The following SYNE1 variants were observed in gnomAD, a reference collection of about 807,000 sequenced individuals.
SYNE1 encodes spectrin repeat containing nuclear envelope protein 1.
SYNE1 carries 616 observed loss-of-function variants against 1,111.0 expected under a neutral mutation model. That is an observed-to-expected ratio of 0.55 (90% CI 0.52 to 0.59). The LOEUF is 0.59. Among genes scored for constraint, SYNE1 ranks in the 20% least tolerant of loss-of-function variants. The probability of loss-of-function intolerance (pLI) is 0.00; values close to 1 mark genes in which losing one functional copy is unlikely to be tolerated. For missense variants in SYNE1, 10,006 were observed against 10,417.0 expected (o/e 0.96, Z 1.72); for synonymous variants, 3,855 against 3,825.8 (o/e 1.01, Z -0.28).
At chr6:152,270,501 G>A (rs2093111939) in intron 98 of SYNE1, among the ~76,000 whole-genome samples, 1 of 152,192 alleles carries the variant, frequency 6.6e-6, no homozygotes, top group African/African-American at 2.4e-5. Context: ...GGCAAGAGTT[G>A]ATCCTTCCTG....
chr6:152,208,762 A>G (rs2076994517), intron 124 of SYNE1, among the ~76,000 whole-genome samples: 1 of 152,248 alleles, frequency 6.6e-6, no homozygotes, highest in Non-Finnish European at 1.5e-5. Context: ...CCCAACCTTT[A>G]GCAAATCATT....
At chr6:152,611,553 C>A (rs1474050324) in intron 3 of SYNE1, among the ~76,000 whole-genome samples, 2 of 152,112 alleles carry the variant, frequency 1.3e-5, no homozygotes, top group Non-Finnish European at 2.9e-5. Context: ...TAATGGGAGA[C>A]TTTAACACCC....
intron 10 of SYNE1, 150 bp downstream of exon 10, chr6:152,502,483 A>G (rs950379677): frequency 1.3e-5 from 9 of 714,362 alleles, no homozygotes; most frequent in Non-Finnish European, 2.0e-5. Flanking sequence ...CTTTCCTCTA[A>G]TCATCACCCC....
At chr6:152,124,292 G>A (rs904773836) in intron 145 of SYNE1, among the ~76,000 whole-genome samples, 1 of 148,556 alleles carries the variant, frequency 6.7e-6, no homozygotes, top group African/African-American at 2.5e-5. Flanking sequence ...CTGGGCAACA[G>A]AGCGAGACTC....
chr6:152,461,871 A>G (rs1307471505), intron 20 of SYNE1, 131 bp from the exon 21 acceptor site: 1 of 1,198,790 alleles, frequency 8.3e-7, no homozygotes, highest in Non-Finnish European at 1.2e-6. Flanking sequence ...ACTTTCGACG[A>G]TTCCAGTTTT....
intron 104 of SYNE1, among the ~76,000 whole-genome samples, chr6:152,252,508 T>C (rs1047404433): frequency 2.6e-5 from 4 of 152,216 alleles, no homozygotes. Flanking sequence ...TACATCTACA[T>C]AACATCTATG....
At position 152,132,211 on chromosome 6, in the gene SYNE1, A is replaced by T; in HGVS notation, c.26005T>A (p.Leu8669Met). The T allele has an allele frequency of 6.2e-7, 1 of 1,614,010 alleles. No homozygotes were observed. The highest frequency in any genetic ancestry group is 1.1e-5 in the South Asian group (1 of 91,070). Residue 8669 changes from leucine to methionine, a missense_variant, in exon 144 of 146, where the codon TTG becomes ATG. By Grantham distance (15) the Leu-to-Met change is conservative. Around this residue, in one of 7 missense-constraint regions of SYNE1, gnomAD observed 761 missense variants for 795.5 expected, o/e 0.96. Transcript: ENST00000367255. ...LLDVSSSQQD[L>M]SSWSSADELD... ...TCATCAGCAGAAGACCAGGAAGACA[A>T]ATCCTATGTGGGAGAAAGATTCTTT... is the stretch of plus-strand genomic sequence containing the variant.
At chr6:152,251,655 A>G (rs1331991930) in intron 104 of SYNE1, among the ~76,000 whole-genome samples, 1 of 151,168 alleles carries the variant, frequency 6.6e-6, no homozygotes, top group Non-Finnish European at 1.5e-5. Flanking sequence ...GCTACTTGGG[A>G]GGCTGAGGCA....
At chr6:152,429,542 G>GAACATTTGAA (rs2098408512) in intron 36 of SYNE1, among the ~76,000 whole-genome samples, 2 of 152,144 alleles carry the variant, frequency 1.3e-5, no homozygotes, top group Non-Finnish European at 2.9e-5. Flanking sequence ...ACATGAACAT[G>GAACATTTGAA]CAATATGAAT....
In SYNE1 at chr6:152,318,990, T is replaced by C. The variant is rs761130318; in HGVS notation, c.16262A>G (p.Glu5421Gly). ...TTCCTGGCTCGTGGCCTTGCTCTGC[T>C]CAACTTCTTTTATTTTGTCTTGGAT... Reference protein sequence around the residue: ...DQIQDKIKEVEQSKATSQELS... With the variant: ...DQIQDKIKEVGQSKATSQELS... The change falls in exon 85 of 146, where the codon GAG becomes GGG. Residue 5421 changes from glutamate to glycine, a missense_variant. Glu to Gly is a moderately conservative substitution (Grantham distance 98). Transcript: ENST00000367255. 6 of 1,614,188 alleles carry C rather than the reference T, an allele frequency of 3.7e-6. No homozygotes were observed. Among genetic ancestry groups the C allele is most frequent in the Admixed American group, 1.7e-5 (1 of 60,022 alleles).
chr6:152,526,025 C>T (rs528524168), intron 5 of SYNE1, 55 bp downstream of exon 5: 4 of 1,546,914 alleles, frequency 2.6e-6, no homozygotes, highest in East Asian at 4.5e-5. Context: ...TCCATAGTCC[C>T]CAAATTCCAA....
At chr6:152,162,977 T>C (rs2153011155) in intron 131 of SYNE1, among the ~76,000 whole-genome samples, 1 of 152,324 alleles carries the variant, frequency 6.6e-6, no homozygotes, top group Non-Finnish European at 1.5e-5. Context: ...AAATAGTCTG[T>C]AAAATGAAGT....
rs2056297421 is a variant in SYNE1 at position 152,133,276 on chromosome 6, C to G, written c.26001G>C (p.Gln8667His). The G allele has an allele frequency of 1.2e-6, 2 of 1,613,926 alleles. No individual in the cohort carries two copies. The highest frequency in any genetic ancestry group is 1.7e-6 in the Non-Finnish European group (2 of 1,179,830). ...EKLLDVSSSQ[Q>H]DLSSWSSADE... ...ACGATGATGTCTGTTTATTGCTTACCTGCTGACTACTTGACACGTCTAATA... is the reference window on the plus strand; with the variant it reads ...ACGATGATGTCTGTTTATTGCTTACGTGCTGACTACTTGACACGTCTAATA... The change falls in exon 143 of 146, where the codon CAG becomes CAC. Residue 8667 changes from glutamine (Q) to histidine (H), a missense_variant and splice_region_variant. Around this residue, in one of 7 missense-constraint regions of SYNE1, gnomAD observed 761 missense variants for 795.5 expected, o/e 0.96. Coordinates refer to ENST00000367255, the MANE Select transcript of SYNE1 (RefSeq NM_182961.4).
intron 55 of SYNE1, among the ~76,000 whole-genome samples, chr6:152,383,191 A>G (rs113157079): frequency 0.03 from 4,549 of 152,284 alleles, 227 homozygotes; most frequent in African/African-American, 0.1. Context: ...CTTTCTGCCA[A>G]TTCCTTCTCC....
chr6:152,154,536 T>C (rs1222488258), intron 133 of SYNE1, among the ~76,000 whole-genome samples: 2 of 152,026 alleles, frequency 1.3e-5, no homozygotes, highest in Non-Finnish European at 2.9e-5. Flanking sequence ...TAGATTTTTA[T>C]GGTTTAAAAA....
At chr6:152,379,219 C>G (rs1025322204) in intron 56 of SYNE1, among the ~76,000 whole-genome samples, 4 of 152,110 alleles carry the variant, frequency 2.6e-5, no homozygotes, top group African/African-American at 9.7e-5. Context: ...TCAGTAGAGT[C>G]AATATATAAA....
Position 152,434,346 on chromosome 6 carries a change from T to A in SYNE1, c.4311-401A>T, listed in dbSNP as rs373207162. 14 of 197,340 alleles carry A rather than the reference T, an allele frequency of 7.1e-5. No homozygotes were observed. The East Asian group carries it at 1.3e-3, about 19-fold the overall frequency. 12.2% of individuals were successfully genotyped at this position (197,340 alleles called of 1,614,324 possible). ...AATAGTCCTATTTCCAAAGAAATGTTCTTCTTACACTTAAAGGAGAGACAC... is the reference window on the plus strand; with the variant it reads ...AATAGTCCTATTTCCAAAGAAATGTACTTCTTACACTTAAAGGAGAGACAC... On this transcript the variant is annotated intron_variant, in intron 33 of 145. Transcript: ENST00000367255.
chr6:152,568,067 G>T (rs1171173707), intron 3 of SYNE1, among the ~76,000 whole-genome samples: 1 of 151,754 alleles, frequency 6.6e-6, no homozygotes, highest in African/African-American at 2.4e-5. Context: ...AATACCAAAT[G>T]GTTTAGGGAA....
intron 25 of SYNE1, among the ~76,000 whole-genome samples, chr6:152,451,418 T>A (rs1047370551): frequency 2.0e-5 from 3 of 150,458 alleles, no homozygotes; most frequent in African/African-American, 7.3e-5. Context: ...GTGGGTTAGG[T>A]GTTTCCTCAG....
Sources: gnomAD v4.1 joint callset for allele counts (sites outside exome capture counted in the v4.1 genomes callset) on GRCh38, gnomAD v4.1.1 for gene constraint, gnomAD v4.1.1 regional missense constraint, MANE v1.5 for transcripts, NCBI Gene and HGNC (gene_info 2026-07-23, HGNC 2026-07-21) for gene names.